The following KNL1 variants were observed in gnomAD, a reference collection of about 807,000 sequenced individuals.
The protein encoded by KNL1 is outer kinetochore KNL1 complex subunit KNL1.
KNL1 carries 66 observed loss-of-function variants against 201.3 expected under a neutral mutation model. The ratio of observed to expected loss-of-function variants is 0.33; its 90% CI spans 0.27 to 0.40. The LOEUF is 0.40. Among genes scored for constraint, KNL1 ranks in the 10% least tolerant of loss-of-function variants. KNL1 has a pLI of 1.00. For missense variants in KNL1, 2,815 were observed against 2,690.5 expected (o/e 1.05, Z -1.02); for synonymous variants, 895 against 899.2 (o/e 1.00, Z 0.08).
chr15:40,632,677 G>A (rs1892947025), intron 13 of KNL1, among the ~76,000 whole-genome samples: 1 of 152,098 alleles, frequency 6.6e-6, no homozygotes, highest in Admixed American at 6.5e-5. Context: ...CTGATAAGAA[G>A]CTTTATCCAA....
Position 40,624,139 on chromosome 15 carries a change from C to T in KNL1, c.3875C>T (p.Ala1292Val). ...AATGTGGACTTTACAAGTAGTCATG[C>T]AACTGCTGTTTGTGGATCCAGTGAT... ...RRNVDFTSSH[A>V]TAVCGSSDNY... The change falls in exon 10 of 26, where the codon GCA (alanine) becomes GTA (valine). Residue 1292 changes from alanine to valine, a missense_variant. By Grantham distance (64) the Ala-to-Val change is moderately conservative (BLOSUM62 0). This residue lies in a region of KNL1 where 2,464 missense variants were observed against 2,291.7 expected (regional missense o/e 1.08). Transcript: ENST00000399668. 6.2e-7 allele frequency: 1 copy of T among 1,613,996 alleles called. No homozygotes were observed. The highest frequency in any genetic ancestry group is 8.5e-7 in the Non-Finnish European group (1 of 1,179,928).
At chr15:40,610,215 G>A (rs763179214) in intron 5 of KNL1, 30 bp from the exon 6 acceptor site, 1 of 1,239,492 alleles carries the variant, frequency 8.1e-7, no homozygotes, top group South Asian at 1.2e-5. Flanking sequence ...CAAATTGCAG[G>A]TTTTCAATAA....
At position 40,622,120 on chromosome 15, in the gene KNL1, G is replaced by A. The variant is rs752524202; in HGVS notation, c.1856G>A (p.Arg619His). Reference sequence around the variant, plus strand: ...GAATGTGAAGAAATTACCAAAAGTCGTAATGAACCATTTCAGCGATCAGAC... The same window carrying A: ...GAATGTGAAGAAATTACCAAAAGTCATAATGAACCATTTCAGCGATCAGAC... The part of the protein sequence containing the change: ...SDECEEITKS[R>H]NEPFQRSDII... The change falls in exon 10 of 26, where the codon CGT (arginine) becomes CAT (histidine). Residue 619 changes from arginine to histidine, a missense_variant. Arg to His is a conservative substitution (Grantham distance 29, BLOSUM62 0). Around this residue, in one of 3 missense-constraint regions of KNL1, gnomAD observed 2,464 missense variants for 2,291.7 expected, o/e 1.08. Transcript: ENST00000399668. 6.2e-6 allele frequency: 10 copies of A among 1,613,934 alleles called. No homozygotes were observed. Among genetic ancestry groups the A allele is most frequent in the African/African-American group, 4.0e-5 (3 of 74,922 alleles).
chr15:40,622,008 T>A lies in KNL1; in HGVS notation c.1744T>A (p.Leu582Ile). The A allele has an allele frequency of 6.2e-7, 1 of 1,614,070 alleles. No homozygotes were observed. The highest frequency in any genetic ancestry group is 8.5e-7 in the Non-Finnish European group (1 of 1,179,970). ...MDLTESHTSN[L>I]GSQVPLAAYN... ...TTTGACTGAAAGTCACACAAGTAAC[T>A]TAGGAAGTCAGGTTCCTCTTGCAGC... The change falls in exon 10 of 26, where the codon TTA (leucine) becomes ATA (isoleucine). Residue 582 changes from leucine to isoleucine, a missense_variant. This residue lies in a region of KNL1 where 2,464 missense variants were observed against 2,291.7 expected (regional missense o/e 1.08). Coordinates refer to ENST00000399668, the MANE Select transcript of KNL1 (RefSeq NM_144508.5).
At chr15:40,644,900 A>G (rs1893339655) in intron 14 of KNL1, 97 bp from the exon 15 acceptor site, 2 of 666,864 alleles carry the variant, frequency 3.0e-6, no homozygotes, top group East Asian at 2.8e-5. Flanking sequence ...TCTTTTTCCA[A>G]ATGGAGTCTC....
Position 40,625,498 on chromosome 15 carries a change from A to C in KNL1, c.5234A>C (p.Glu1745Ala), listed in dbSNP as rs201383875. ...GCCTTGATTGAGACATACCAAAAAG[A>C]GATTTCACCATATGAAAATAAAATG... ...EKALIETYQKEISPYENKMGK... is the reference protein window; with the variant it reads ...EKALIETYQKAISPYENKMGK... The change falls in exon 10 of 26, where the codon GAG (glutamate) becomes GCG (alanine). Residue 1745 changes from glutamate to alanine, a missense_variant. Around this residue, in one of 3 missense-constraint regions of KNL1, gnomAD observed 2,464 missense variants for 2,291.7 expected, o/e 1.08. Coordinates refer to ENST00000399668, the MANE Select transcript of KNL1 (RefSeq NM_144508.5). 35 of 1,613,016 alleles carry C rather than the reference A, an allele frequency of 2.2e-5. No homozygotes were observed. In the African/African-American group the frequency reaches 4.3e-4, roughly 20 times the overall value.
At chr15:40,600,333 C>G (rs1046540173) in intron 1 of KNL1, among the ~76,000 whole-genome samples, 6 of 152,200 alleles carry the variant, frequency 3.9e-5, no homozygotes, top group Non-Finnish European at 7.3e-5. Context: ...CCTTGGCCTC[C>G]CAAAGTGTTG....
chr15:40,641,083 G>T, intron 14 of KNL1, 56 bp downstream of exon 14: 1 of 1,174,232 alleles, frequency 8.5e-7, no homozygotes. Context: ...TCAGTTAATA[G>T]TTTGTGTGGT....
intron 7 of KNL1, 30 bp from the exon 8 acceptor site, chr15:40,615,311 T>C: frequency 1.6e-6 from 1 of 620,480 alleles, no homozygotes; most frequent in South Asian, 1.7e-5. Flanking sequence ...GTTTGGGGTA[T>C]AGATTATAAA....
At position 40,624,225 on chromosome 15, in the gene KNL1, C is replaced by G; in HGVS notation, c.3961C>G (p.Leu1321Val). 6.2e-7 allele frequency: 1 copy of G among 1,613,860 alleles called. No homozygotes were observed. The highest frequency in any genetic ancestry group is 8.5e-7 in the Non-Finnish European group (1 of 1,179,882). Residue 1321 changes from leucine to valine, a missense_variant, in exon 10 of 26, where the codon CTC becomes GTC. By Grantham distance (32) the Leu-to-Val change is conservative. Coordinates refer to ENST00000399668, the MANE Select transcript of KNL1 (RefSeq NM_144508.5). Reference sequence around the variant, plus strand: ...TGATAATTTGGAGGGTAGTGCCATGCTCTTATGTGATAAAGATGAGGAAAA... The same window carrying G: ...TGATAATTTGGAGGGTAGTGCCATGGTCTTATGTGATAAAGATGAGGAAAA... Reference protein sequence around the residue: ...CTDNLEGSAMLLCDKDEEKAN... With the variant: ...CTDNLEGSAMVLCDKDEEKAN...
intron 7 of KNL1, among the ~76,000 whole-genome samples, 153 bp downstream of exon 7, chr15:40,611,664 AT>A (rs1892166697): frequency 6.6e-6 from 1 of 151,926 alleles, no homozygotes; most frequent in African/African-American, 2.4e-5. Flanking sequence ...TAATATGGCC[AT>A]TGTACTGTTT....
intron 9 of KNL1, among the ~76,000 whole-genome samples, chr15:40,620,217 T>TA (rs1491246568): frequency 6.0e-4 from 7 of 11,752 alleles, no homozygotes; most frequent in Non-Finnish European, 1.9e-3. Context: ...CCTAGAATAA[T>TA]TTTTTTTTTT....
chr15:40,604,998 C>G (rs1891927370), intron 2 of KNL1, 112 bp from the exon 3 acceptor site: 1 of 644,686 alleles, frequency 1.6e-6, no homozygotes, highest in African/African-American at 1.8e-5. Flanking sequence ...TGCCAGAGTG[C>G]TAAGAGAAAG....
chr15:40,651,615 C>A, intron 20 of KNL1, 43 bp downstream of exon 20: 1 of 1,397,468 alleles, frequency 7.2e-7, no homozygotes. Flanking sequence ...TTATTCTGTA[C>A]CTTGTGGTTG....
intron 24 of KNL1, 57 bp downstream of exon 24, chr15:40,657,530 T>A: frequency 1.1e-6 from 1 of 903,668 alleles, no homozygotes; most frequent in Non-Finnish European, 1.9e-6. Flanking sequence ...TTGGGTACCT[T>A]AACAGGTTCT....
At position 40,659,453 on chromosome 15, in the gene KNL1, G is replaced by C; in HGVS notation, c.6828G>C (p.Gly2276=). ...PLPSTIQNHV[G]NTSQDDIATI... Reference sequence around the variant, plus strand: ...CTTCCACCATTCAGAATCACGTTGGGAACACTAGGTGAGTAAAGGGCCAAC... The same window carrying C: ...CTTCCACCATTCAGAATCACGTTGGCAACACTAGGTGAGTAAAGGGCCAAC... Residue 2276 remains glycine (G), a synonymous_variant, in exon 25 of 26, where the codon GGG becomes GGC. Transcript: ENST00000399668. 1 of 1,612,872 alleles carries C rather than the reference G, an allele frequency of 6.2e-7. No individual in the cohort carries two copies. The highest frequency in any genetic ancestry group is 2.2e-5 in the East Asian group (1 of 44,822).
chr15:40,640,197 A>T (rs1173817263), intron 13 of KNL1, among the ~76,000 whole-genome samples: 3 of 150,574 alleles, frequency 2.0e-5, no homozygotes, highest in Non-Finnish European at 4.4e-5. Context: ...CCTGGGCTCA[A>T]GTAATTCTCC....
intron 1 of KNL1, among the ~76,000 whole-genome samples, chr15:40,600,917 C>A (rs991390512): frequency 6.6e-6 from 1 of 152,222 alleles, no homozygotes; most frequent in Non-Finnish European, 1.5e-5. Flanking sequence ...ATCAGCTATG[C>A]TAATAAGGTG....
chr15:40,614,688 T>C (rs1019445687), intron 7 of KNL1, among the ~76,000 whole-genome samples: 5 of 152,250 alleles, frequency 3.3e-5, no homozygotes, highest in Non-Finnish European at 7.3e-5. Context: ...ATATGTCTTA[T>C]AGCACTTTCT....
Sources: gnomAD v4.1 joint callset for allele counts (sites outside exome capture counted in the v4.1 genomes callset) on GRCh38, gnomAD v4.1.1 for gene constraint, gnomAD v4.1.1 regional missense constraint, MANE v1.5 for transcripts, NCBI Gene and HGNC (gene_info 2026-07-23, HGNC 2026-07-21) for gene names.